Variants in PXDNL observed in about 807,000 individuals in gnomAD.
PXDNL encodes probable oxidoreductase PXDNL.
PXDNL carries 145 observed loss-of-function variants against 150.8 expected under a neutral mutation model. The observed-to-expected ratio is 0.96, with a 90% confidence interval of 0.84 to 1.10. PXDNL has a LOEUF of 1.10. PXDNL is among the 50% of genes least tolerant of loss of function. The pLI, the probability that PXDNL is intolerant of heterozygous loss-of-function variation, is 0.00. For synonymous variants in PXDNL, 757 were observed against 725.7 expected (o/e 1.04, Z -0.69); for missense variants, 2,087 against 1,873.9 (o/e 1.11, Z -2.10).
intron 2 of PXDNL, among the ~76,000 whole-genome samples, chr8:51,604,121 C>T (rs192923791): frequency 0.011 from 1,656 of 152,190 alleles, 15 homozygotes; most frequent in Non-Finnish European, 0.016. Flanking sequence ...ACTAGAAATA[C>T]CATTTGACCC....
intron 1 of PXDNL, among the ~76,000 whole-genome samples, chr8:51,712,961 G>T (rs1157641700): frequency 1.3e-5 from 2 of 152,092 alleles, no homozygotes; most frequent in African/African-American, 4.8e-5. Flanking sequence ...TAAAAAATCT[G>T]GAAGGCTGAG....
intron 2 of PXDNL, among the ~76,000 whole-genome samples, chr8:51,640,615 G>C (rs949926117): frequency 7.9e-5 from 12 of 152,142 alleles, no homozygotes; most frequent in African/African-American, 2.9e-4. Flanking sequence ...TTGCTTCAAA[G>C]AGAATAAAAT....
chr8:51,601,267 T>C (rs947865392), intron 2 of PXDNL, among the ~76,000 whole-genome samples: 25 of 151,732 alleles, frequency 1.6e-4, no homozygotes. Context: ...AAGTCTATAG[T>C]TTTGTTTTGT....
intron 2 of PXDNL, among the ~76,000 whole-genome samples, chr8:51,610,075 G>T (rs1186187000): frequency 6.6e-6 from 1 of 152,044 alleles, no homozygotes; most frequent in Non-Finnish European, 1.5e-5. Context: ...CCAGGAATAG[G>T]TATAATAATT....
At chr8:51,381,226 G>A (rs933464364) in intron 17 of PXDNL, among the ~76,000 whole-genome samples, 8 of 152,092 alleles carry the variant, frequency 5.3e-5, no homozygotes, top group Non-Finnish European at 7.4e-5. Flanking sequence ...ATTTATAAAC[G>A]GAACACTAGG....
intron 4 of PXDNL, among the ~76,000 whole-genome samples, chr8:51,544,672 C>A (rs1170821605): frequency 2.0e-5 from 3 of 152,058 alleles, no homozygotes; most frequent in Admixed American, 1.3e-4. Context: ...CCCTTCCTCA[C>A]CCCCCACAAC....
chr8:51,777,801 G>A (rs574249102), intron 1 of PXDNL, among the ~76,000 whole-genome samples: 3 of 152,288 alleles, frequency 2.0e-5, no homozygotes, highest in African/African-American at 7.2e-5. Flanking sequence ...TACTCAAGAG[G>A]CTGAGGCAGG....
intron 13 of PXDNL, among the ~76,000 whole-genome samples, chr8:51,425,995 C>A (rs1180750891): frequency 1.3e-5 from 2 of 152,162 alleles, no homozygotes; most frequent in African/African-American, 4.8e-5. Flanking sequence ...AGTTTTGTAA[C>A]CTTTCACAGA....
At position 51,617,952 on chromosome 8, in the gene PXDNL, C is replaced by T. The variant is rs1225922800; in HGVS notation, c.237-25254G>A. Among the ~76,000 whole-genome samples, 5 of 152,202 alleles carry T rather than the reference C, an allele frequency of 3.3e-5. 1 individual carries two copies. Among genetic ancestry groups the T allele is most frequent in the African/African-American group, 1.2e-4 (5 of 41,446 alleles). On this transcript the variant is annotated intron_variant, in intron 2 of 22. Transcript: ENST00000356297. ...CACGCACACACTGTGAGGGGTCTTC[C>T]GTGACAGCCTTGCTCCAATACGGGG...
At chr8:51,468,999 T>C (rs192401620) in intron 8 of PXDNL, among the ~76,000 whole-genome samples, 2 of 152,166 alleles carry the variant, frequency 1.3e-5, no homozygotes, top group African/African-American at 4.8e-5. Context: ...ATCTTTCTTA[T>C]TGGATCAAAC....
intron 20 of PXDNL, among the ~76,000 whole-genome samples, chr8:51,345,448 C>T (rs1217413137): frequency 6.6e-6 from 1 of 152,162 alleles, no homozygotes; most frequent in Non-Finnish European, 1.5e-5. Context: ...TTCATGAATT[C>T]AAATCAACTT....
At chr8:51,638,337 T>C (rs1388639521) in intron 2 of PXDNL, among the ~76,000 whole-genome samples, 2 of 152,130 alleles carry the variant, frequency 1.3e-5, no homozygotes, top group African/African-American at 4.8e-5. Context: ...CAGGATCAAA[T>C]TCACACATAA....
chr8:51,356,142 T>G (rs1175589381), intron 19 of PXDNL, among the ~76,000 whole-genome samples: 1 of 152,208 alleles, frequency 6.6e-6, no homozygotes, highest in Non-Finnish European at 1.5e-5. Context: ...AGTGTTGGTT[T>G]TTTTGGTCTT....
At chr8:51,639,580 T>C (rs1452526756) in intron 2 of PXDNL, among the ~76,000 whole-genome samples, 1 of 152,106 alleles carries the variant, frequency 6.6e-6, no homozygotes, top group Admixed American at 6.6e-5. Context: ...AACACCTCTA[T>C]GCAAATAAAC....
chr8:51,393,086 A>C (rs1032250744), intron 17 of PXDNL, among the ~76,000 whole-genome samples: 2 of 152,208 alleles, frequency 1.3e-5, no homozygotes, highest in Admixed American at 6.5e-5. Context: ...TTTTATGTGA[A>C]TGTCATGCCG....
intron 1 of PXDNL, among the ~76,000 whole-genome samples, chr8:51,659,141 A>G (rs555588191): frequency 6.6e-6 from 1 of 152,228 alleles, no homozygotes; most frequent in Non-Finnish European, 1.5e-5. Context: ...TTAAGTTATT[A>G]TATCTCCTTC....
In PXDNL at chr8:51,436,925, T is replaced by C. The variant is rs965341841; in HGVS notation, c.1525+10079A>G. 2.6e-5 allele frequency among the ~76,000 whole-genome samples: 4 copies of C among 152,086 alleles called. 1 individual carries two copies. The highest frequency in any genetic ancestry group is 9.7e-5 in the African/African-American group (4 of 41,420). ...ATAAATGAAAAAAAAGCTGGTTCTT[T>C]GAAAAGATAAATAAAATTCATAGGT... On this transcript the variant is annotated intron_variant, in intron 12 of 22. Coordinates refer to ENST00000356297, the MANE Select transcript of PXDNL (RefSeq NM_144651.5).
intron 1 of PXDNL, among the ~76,000 whole-genome samples, chr8:51,753,734 A>G (rs934344957): frequency 2.6e-5 from 4 of 152,252 alleles, no homozygotes; most frequent in Non-Finnish European, 5.9e-5. Flanking sequence ...CGGGAAATAA[A>G]CCTTGATGAG....
chr8:51,543,721 AAAAAAAAAAAG>A (rs1812278788), intron 4 of PXDNL, among the ~76,000 whole-genome samples: 8 of 151,308 alleles, frequency 5.3e-5, no homozygotes, highest in Admixed American at 5.3e-4. Flanking sequence ...AAAAAAAAAA[AAAAAAAAAAAG>A]AAAGAAAGAA....
Sources: gnomAD v4.1 joint callset for allele counts (sites outside exome capture counted in the v4.1 genomes callset) on GRCh38, gnomAD v4.1.1 for gene constraint, MANE v1.5 for transcripts, NCBI Gene and HGNC (gene_info 2026-07-23, HGNC 2026-07-21) for gene names.